Variants in CDH12 observed in about 807,000 individuals in gnomAD.
CDH12 encodes the protein cadherin-12.
Under a neutral mutation model 74.1 loss-of-function variants are expected in CDH12, and 41 were observed. The ratio of observed to expected loss-of-function variants is 0.55; its 90% CI spans 0.43 to 0.72. CDH12 has a LOEUF of 0.72. Among genes scored for constraint, CDH12 ranks in the 30% least tolerant of loss-of-function variants. CDH12 has a pLI of 0.00. For synonymous variants in CDH12, 399 were observed against 355.0 expected (o/e 1.12, Z -1.39); for missense variants, 945 against 977.2 (o/e 0.97, Z 0.44).
chr5:22,557,412 T>G (rs552199724), intron 1 of CDH12, among the ~76,000 whole-genome samples: 2 of 152,148 alleles, frequency 1.3e-5, no homozygotes, highest in East Asian at 3.9e-4. Context: ...GAATGAACAT[T>G]TGAGCAACGG....
At chr5:21,977,308 A>T (rs1389691919) in intron 5 of CDH12, among the ~76,000 whole-genome samples, 1 of 152,138 alleles carries the variant, frequency 6.6e-6, no homozygotes, top group East Asian at 1.9e-4. Context: ...TTTCAAGCAT[A>T]AAATCAAGCA....
intron 1 of CDH12, among the ~76,000 whole-genome samples, chr5:22,669,818 A>C (rs1382999925): frequency 6.6e-6 from 1 of 152,142 alleles, no homozygotes; most frequent in Admixed American, 6.5e-5. Context: ...AGCAACTGTG[A>C]TTTCTGTTTC....
chr5:22,852,171 G>A (rs1019037431), intron 1 of CDH12, among the ~76,000 whole-genome samples: 1 of 152,222 alleles, frequency 6.6e-6, no homozygotes, highest in Admixed American at 6.5e-5. Flanking sequence ...TGAAATGGTC[G>A]CAGAATCAGC....
intron 3 of CDH12, among the ~76,000 whole-genome samples, chr5:22,370,685 A>T (rs1371778417): frequency 6.6e-6 from 1 of 152,190 alleles, no homozygotes; most frequent in African/African-American, 2.4e-5. Context: ...ACAGAATCAA[A>T]GGAGAGATGA....
chr5:21,935,953 C>T (rs1017049809), intron 6 of CDH12, among the ~76,000 whole-genome samples: 4 of 152,058 alleles, frequency 2.6e-5, no homozygotes, highest in Admixed American at 1.3e-4. Context: ...GAATGGTATT[C>T]CATTTTGTAT....
chr5:22,344,254 G>A (rs1475345202), intron 3 of CDH12, among the ~76,000 whole-genome samples: 1 of 152,028 alleles, frequency 6.6e-6, no homozygotes, highest in African/African-American at 2.4e-5. Flanking sequence ...TGAGCCTTAA[G>A]GAAATCATGT....
rs539711316 is a variant in CDH12, at chr5:22,020,695, A to G, written c.232-45310T>C. ...TGAGCCTGCACATGGAGAGAGAAAGAAAAACCTCTCTTTCTCCCTCTTCTG... is the reference window on the plus strand; with the variant it reads ...TGAGCCTGCACATGGAGAGAGAAAGGAAAACCTCTCTTTCTCCCTCTTCTG... On this transcript the variant is annotated intron_variant, in intron 5 of 14. Transcript: ENST00000382254. Among the ~76,000 whole-genome samples the G allele has an allele frequency of 5.9e-5, 9 of 152,266 alleles. No homozygotes were observed. In the South Asian group the frequency reaches 1.9e-3, roughly 32 times the overall value.
At chr5:22,391,255 G>C (rs1311286049) in intron 3 of CDH12, among the ~76,000 whole-genome samples, 19 of 152,074 alleles carry the variant, frequency 1.2e-4, no homozygotes, top group Admixed American at 1.2e-3. Context: ...GGAACTCTGG[G>C]AAAAGCATTC....
At chr5:22,202,942 G>C (rs919976223) in intron 4 of CDH12, among the ~76,000 whole-genome samples, 1 of 151,978 alleles carries the variant, frequency 6.6e-6, no homozygotes. Context: ...TTTTTCATGT[G>C]TCTTTTTAAA....
intron 3 of CDH12, among the ~76,000 whole-genome samples, chr5:22,286,691 T>C (rs1385299245): frequency 6.6e-6 from 1 of 151,502 alleles, no homozygotes. Flanking sequence ...TTTTTTTTTT[T>C]TAACTTCACT....
At chr5:22,778,628 T>A (rs1180743456) in intron 1 of CDH12, among the ~76,000 whole-genome samples, 1 of 152,220 alleles carries the variant, frequency 6.6e-6, no homozygotes, top group African/African-American at 2.4e-5. Flanking sequence ...TTGTCAACTT[T>A]AAATTTCTCT....
Position 21,760,672 on chromosome 5 carries a change from T to C in CDH12, c.1519A>G (p.Ile507Val), listed in dbSNP as rs751280529. The change falls in exon 13 of 15, where the codon ATT (isoleucine) becomes GTT (valine). Residue 507 changes from isoleucine to valine, a missense_variant. By Grantham distance (29) the Ile-to-Val change is conservative. Transcript: ENST00000382254. ...CGGTCTGCAGCACTGACTATCTGAA[T>C]TATCTGCAACAGAGTTGAGATTAAA... ...VCENAKPGQI[I>V]QIVSAADRDL... 1.9e-6 allele frequency: 3 copies of C among 1,567,784 alleles called. No homozygotes were observed. The highest frequency in any genetic ancestry group is 2.6e-6 in the Non-Finnish European group (3 of 1,138,248).
intron 10 of CDH12, among the ~76,000 whole-genome samples, chr5:21,790,319 A>T (rs74666035): frequency 0.012 from 1,759 of 152,224 alleles, 41 homozygotes; most frequent in African/African-American, 0.04. Context: ...ACATCAAATA[A>T]TACGTTTATC....
intron 3 of CDH12, among the ~76,000 whole-genome samples, chr5:22,288,907 T>C (rs1737269672): frequency 6.6e-6 from 1 of 152,100 alleles, no homozygotes. Flanking sequence ...TGAGGAAATA[T>C]AAAAATGAAA....
intron 5 of CDH12, among the ~76,000 whole-genome samples, chr5:22,023,283 A>G (rs1738108445): frequency 6.6e-6 from 1 of 152,068 alleles, no homozygotes; most frequent in Admixed American, 6.6e-5. Context: ...CTGCAATAAG[A>G]TGTATGCCAC....
intron 6 of CDH12, among the ~76,000 whole-genome samples, chr5:21,974,078 C>T (rs1756964642): frequency 6.6e-6 from 1 of 152,154 alleles, no homozygotes; most frequent in Admixed American, 6.6e-5. Flanking sequence ...ATCCATGTGA[C>T]AGCTCCTACA....
At chr5:22,415,545 C>G in intron 2 of CDH12, among the ~76,000 whole-genome samples, 1 of 152,106 alleles carries the variant, frequency 6.6e-6, no homozygotes, top group East Asian at 1.9e-4. Context: ...TTTTGGGATT[C>G]CTATGAATAC....
At chr5:22,292,915 T>G (rs1013995284) in intron 3 of CDH12, among the ~76,000 whole-genome samples, 5 of 152,166 alleles carry the variant, frequency 3.3e-5, no homozygotes, top group African/African-American at 1.2e-4. Context: ...CTAACTTCCT[T>G]GCCTCCTTGC....
intron 1 of CDH12, among the ~76,000 whole-genome samples, chr5:22,720,755 G>A (rs1247353633): frequency 1.3e-5 from 2 of 152,150 alleles, no homozygotes; most frequent in African/African-American, 4.8e-5. Flanking sequence ...GGCTGAGGTG[G>A]TTGCAGATGA....
Sources: gnomAD v4.1 joint callset for allele counts (sites outside exome capture counted in the v4.1 genomes callset) on GRCh38, gnomAD v4.1.1 for gene constraint, MANE v1.5 for transcripts, NCBI Gene and HGNC (gene_info 2026-07-23, HGNC 2026-07-21) for gene names.